The following ARHGAP10 variants were observed in gnomAD, a reference collection of about 807,000 sequenced individuals.
ARHGAP10 encodes the protein Rho GTPase activating protein 10, also known as rho GTPase-activating protein 10.
ARHGAP10 carries 87 observed loss-of-function variants against 108.6 expected under a neutral mutation model. The observed-to-expected ratio is 0.80, with a 90% CI of 0.67 to 0.96. The LOEUF (loss-of-function observed/expected upper bound fraction) is 0.96, where lower values mean the gene tolerates loss of function less well. Among genes scored for constraint, ARHGAP10 ranks in the 40% least tolerant of loss-of-function variants. The pLI is 0.00. For synonymous variants in ARHGAP10, 347 were observed against 341.1 expected (o/e 1.02, Z -0.19); for missense variants, 939 against 954.5 (o/e 0.98, Z 0.21).
At chr4:148,019,563 A>G (rs1174921364) in intron 18 of ARHGAP10, among the ~76,000 whole-genome samples, 1 of 152,080 alleles carries the variant, frequency 6.6e-6, no homozygotes, top group Admixed American at 6.6e-5. Flanking sequence ...CAGCCTAACC[A>G]ACATGGTGAA....
intron 22 of ARHGAP10, among the ~76,000 whole-genome samples, chr4:148,068,436 T>C (rs1456580559): frequency 1.3e-5 from 2 of 152,250 alleles, no homozygotes; most frequent in South Asian, 2.1e-4. Context: ...TGATCACATA[T>C]AGACCCCACA....
At chr4:147,979,736 C>T (rs1219857807) in intron 18 of ARHGAP10, among the ~76,000 whole-genome samples, 5 of 152,074 alleles carry the variant, frequency 3.3e-5, no homozygotes, top group African/African-American at 4.8e-5. Context: ...GTTCTTCTCA[C>T]GGACATCATT....
At chr4:147,824,500 A>G (rs1440655135) in intron 3 of ARHGAP10, among the ~76,000 whole-genome samples, 29 of 152,156 alleles carry the variant, frequency 1.9e-4, no homozygotes, top group Non-Finnish European at 1.2e-4. Flanking sequence ...TTACAGTGCT[A>G]TGAAGAAATA....
chr4:148,028,303 G>A (rs562401750), intron 19 of ARHGAP10, among the ~76,000 whole-genome samples: 9 of 152,182 alleles, frequency 5.9e-5, no homozygotes, highest in African/African-American at 1.2e-4. Context: ...AATGATGGGC[G>A]GAACTGATGT....
At chr4:147,795,123 C>T (rs1486037457) in intron 1 of ARHGAP10, among the ~76,000 whole-genome samples, 1 of 152,130 alleles carries the variant, frequency 6.6e-6, no homozygotes, top group Admixed American at 6.5e-5. Context: ...CACTGTGTCA[C>T]CTACGCTGGA....
intron 18 of ARHGAP10, among the ~76,000 whole-genome samples, chr4:148,012,948 C>G (rs942254683): frequency 7.0e-6 from 1 of 142,128 alleles, no homozygotes; most frequent in African/African-American, 2.7e-5. Context: ...TTTAAACCTT[C>G]TTTAAAGAGC....
chr4:147,770,488 G>A (rs375096671), intron 1 of ARHGAP10, among the ~76,000 whole-genome samples: 13 of 152,322 alleles, frequency 8.5e-5, no homozygotes, highest in South Asian at 6.2e-4. Flanking sequence ...TTGTGCTACT[G>A]CACTCCAGCC....
At position 147,946,646 on chromosome 4, in the gene ARHGAP10, G is replaced by A. The variant is rs1288031718; in HGVS notation, c.1333G>A (p.Glu445Lys). Residue 445 changes from glutamate to lysine, a missense_variant, in exon 15 of 23, where the codon GAG becomes AAG. Coordinates refer to ENST00000336498, the MANE Select transcript of ARHGAP10 (RefSeq NM_024605.4). ...DVKTCNEVDL[E>K]NSADWEVKTI... ...AAAAACATGCAATGAGGTGGACCTG[G>A]AGAATTCTGCAGATTGGGAAGTGAA... 2 of 1,612,776 alleles carry A rather than the reference G, an allele frequency of 1.2e-6. No individual in the cohort carries two copies. Among genetic ancestry groups the A allele is most frequent in the East Asian group, 2.2e-5 (1 of 44,828 alleles).
intron 5 of ARHGAP10, among the ~76,000 whole-genome samples, chr4:147,860,454 A>ACAAAG (rs1182468534): frequency 2.6e-5 from 4 of 152,010 alleles, no homozygotes; most frequent in Non-Finnish European, 5.9e-5. Flanking sequence ...ACAAAACAAA[A>ACAAAG]CAAAACAAAA....
intron 7 of ARHGAP10, among the ~76,000 whole-genome samples, chr4:147,872,341 A>G (rs1043781972): frequency 6.6e-6 from 1 of 152,204 alleles, no homozygotes; most frequent in Non-Finnish European, 1.5e-5. Flanking sequence ...TGTCTGGGAA[A>G]AAATTCACAA....
At chr4:147,773,256 T>C (rs1449576240) in intron 1 of ARHGAP10, among the ~76,000 whole-genome samples, 1 of 152,242 alleles carries the variant, frequency 6.6e-6, no homozygotes, top group Non-Finnish European at 1.5e-5. Context: ...TATGTATATA[T>C]TATCATGTCT....
At chr4:148,024,373 G>C (rs996930288) in intron 19 of ARHGAP10, among the ~76,000 whole-genome samples, 2 of 152,202 alleles carry the variant, frequency 1.3e-5, no homozygotes, top group Non-Finnish European at 2.9e-5. Flanking sequence ...GAGATTAGCA[G>C]AGTGAGGAAG....
At chr4:148,045,872 A>C (rs956342669) in intron 19 of ARHGAP10, among the ~76,000 whole-genome samples, 1 of 151,930 alleles carries the variant, frequency 6.6e-6, no homozygotes, top group African/African-American at 2.4e-5. Context: ...AGCTTTAATC[A>C]GCTACAAGCT....
chr4:147,903,197 G>A (rs140923247), intron 10 of ARHGAP10, among the ~76,000 whole-genome samples: 54 of 152,286 alleles, frequency 3.5e-4, no homozygotes, highest in South Asian at 1.2e-3. Flanking sequence ...GGCTCATGGC[G>A]CCAGTGAGGA....
At chr4:148,049,843 GGGGCGGGGGGC>G (rs1729050828) in intron 20 of ARHGAP10, among the ~76,000 whole-genome samples, 1 of 139,366 alleles carries the variant, frequency 7.2e-6, no homozygotes, top group African/African-American at 2.6e-5. Context: ...GGGGGGGCGG[GGGGCGGGGGGC>G]GGGGGGTGGT....
chr4:147,926,134 GA>G (rs1737451779), intron 13 of ARHGAP10, among the ~76,000 whole-genome samples: 1 of 152,186 alleles, frequency 6.6e-6, no homozygotes, highest in Admixed American at 6.5e-5. Flanking sequence ...GAGGGTGGCA[GA>G]TCCCAGGTGC....
At chr4:147,782,996 A>C (rs907891696) in intron 1 of ARHGAP10, among the ~76,000 whole-genome samples, 2 of 140,224 alleles carry the variant, frequency 1.4e-5, no homozygotes, top group African/African-American at 2.6e-5. Context: ...AATTATATAT[A>C]TTATATAAAT....
rs752261979 is a variant in ARHGAP10, at chr4:147,868,428, G to A, written c.702+1612G>A. On this transcript the variant is annotated intron_variant, in intron 7 of 22. Transcript: ENST00000336498. ...ATTTTTTTTCTTTTTGGTAGAGATG[G>A]CATCTCATTGTGTTGCCCAGGCTGC... Among the ~76,000 whole-genome samples the A allele has an allele frequency of 1.4e-4, 21 of 152,118 alleles. 1 individual carries two copies. In the Middle Eastern group the frequency reaches 0.014, roughly 99 times the overall value.
At chr4:148,056,039 G>C (rs1384708904) in intron 20 of ARHGAP10, among the ~76,000 whole-genome samples, 1 of 152,208 alleles carries the variant, frequency 6.6e-6, no homozygotes, top group African/African-American at 2.4e-5. Context: ...TTGGAACACA[G>C]CTACACTTAG....
Sources: gnomAD v4.1 joint callset for allele counts (sites outside exome capture counted in the v4.1 genomes callset) on GRCh38, gnomAD v4.1.1 for gene constraint, MANE v1.5 for transcripts, NCBI Gene and HGNC (gene_info 2026-07-23, HGNC 2026-07-21) for gene names.